The following PPP4R1 variants were observed in gnomAD, a reference collection of about 807,000 sequenced individuals.
PPP4R1 encodes protein phosphatase 4 regulatory subunit 1, also known as serine/threonine-protein phosphatase 4 regulatory subunit 1.
PPP4R1 carries 42 observed loss-of-function variants against 111.2 expected under a neutral mutation model. The ratio of observed to expected loss-of-function variants is 0.38; its 90% confidence interval spans 0.29 to 0.49. PPP4R1 has a LOEUF of 0.49. Among genes scored for constraint, PPP4R1 ranks in the 20% least tolerant of loss-of-function variants. The probability of loss-of-function intolerance (pLI) is 0.97; values close to 1 mark genes in which losing one functional copy is unlikely to be tolerated. For synonymous variants in PPP4R1, 409 were observed against 405.5 expected, an observed-to-expected ratio of 1.01 and a Z score of -0.10; for missense variants, 1,012 against 1,161.6, an observed-to-expected ratio of 0.87 and a Z score of 1.87.
rs2067084239 is a variant in PPP4R1, at chr18:9,584,557, A to G, written c.717T>C (p.Asp239=). 6.2e-7 allele frequency: 1 copy of G among 1,613,350 alleles called. No individual in the cohort carries two copies. The highest frequency in any genetic ancestry group is 1.7e-5 in the Admixed American group (1 of 59,852). ...CTTGCTGGCCAACTACACTGCAAAT[A>G]TCTCCAAAATTGGCAGCACAGACCT... ...VRKVCAANFG[D]ICSVVGQQAT... is the part of the protein sequence containing the mutation. The change falls in exon 8 of 20, where the codon GAT becomes GAC. Residue 239 remains aspartate, a synonymous_variant. Transcript: ENST00000400556.
intron 2 of PPP4R1, among the ~76,000 whole-genome samples, chr18:9,604,974 C>T (rs1248669291): frequency 6.6e-6 from 1 of 152,200 alleles, no homozygotes; most frequent in Non-Finnish European, 1.5e-5. Context: ...TGAGAAGTAT[C>T]ACACCAAAGA....
intron 13 of PPP4R1, among the ~76,000 whole-genome samples, chr18:9,560,936 G>C (rs950784879): frequency 6.6e-6 from 1 of 151,862 alleles, no homozygotes; most frequent in Non-Finnish European, 1.5e-5. Flanking sequence ...ATAATCCTAA[G>C]GCTGGGCACG....
At chr18:9,569,157 T>TC (rs2066818092) in intron 11 of PPP4R1, among the ~76,000 whole-genome samples, 1 of 134,572 alleles carries the variant, frequency 7.4e-6, no homozygotes, top group South Asian at 2.3e-4. Context: ...ACCACTGAAC[T>TC]CCAGCCTGGG....
At chr18:9,599,804 T>C (rs141892663) in intron 2 of PPP4R1, 3 of 152,264 alleles carry the variant, frequency 2.0e-5, no homozygotes, top group East Asian at 1.9e-4. Context: ...TTGTTAATCT[T>C]AAAGATAAAC....
At chr18:9,597,734 C>T (rs1038637768) in intron 2 of PPP4R1, among the ~76,000 whole-genome samples, 2 of 152,028 alleles carry the variant, frequency 1.3e-5, no homozygotes, top group African/African-American at 2.4e-5. Context: ...GAACAAAACT[C>T]GAGTATGTAA....
Position 9,577,119 on chromosome 18 carries a change from A to G in PPP4R1, c.991T>C (p.Tyr331His), listed in dbSNP as rs947488052. The change falls in exon 10 of 20, where the codon TAT becomes CAT. Residue 331 changes from tyrosine to histidine, a missense_variant. By Grantham distance (83) the Tyr-to-His change is moderately conservative. Around this residue, in one of 2 missense-constraint regions of PPP4R1, gnomAD observed 707 missense variants for 742.1 expected, o/e 0.95. Transcript: ENST00000400556. ...TFANPSSSGQ[Y>H]FKEESKSSEE... ...GAACTTTTGCTTTCTTCTTTAAAAT[A>G]CTGGCCTGAGCTAGATGGATTAGCA... 10 of 1,603,338 alleles carry G rather than the reference A, an allele frequency of 6.2e-6. No homozygotes were observed. In the African/African-American group the frequency reaches 1.2e-4, roughly 19 times the overall value.
At chr18:9,614,592 A>T, upstream of PPP4R1, 1 of 724,100 alleles carries the variant, frequency 1.4e-6, no homozygotes, top group East Asian at 1.4e-4. This position sits in a 1 kb window ranked among gnomAD's most constrained non-coding sequence, Gnocchi z 4.1. Flanking sequence ...GGGGAGGAGG[A>T]GGGCCGGGCT....
At position 9,593,816 on chromosome 18, in the gene PPP4R1, C is replaced by A; in HGVS notation, c.247G>T (p.Asp83Tyr). 1 of 1,613,906 alleles carries A rather than the reference C, an allele frequency of 6.2e-7. No individual in the cohort carries two copies. The highest frequency in any genetic ancestry group is 1.7e-5 in the Admixed American group (1 of 59,988). ...TLREVCDDER[D>Y]CIAVLERISR... ...ATTCTTTCCAAAACAGCAATACAAT[C>A]TCTTTCATCATCGCAGACTTCCCTC... Residue 83 changes from aspartate (D) to tyrosine (Y), a missense_variant, in exon 4 of 20, where the codon GAT becomes TAT. Asp to Tyr is a radical substitution (Grantham distance 160). Coordinates refer to ENST00000400556, the MANE Select transcript of PPP4R1 (RefSeq NM_001042388.3).
intron 15 of PPP4R1, among the ~76,000 whole-genome samples, chr18:9,556,166 A>C (rs28445265): frequency 0.081 from 12,184 of 149,940 alleles, 668 homozygotes; most frequent in East Asian, 0.19. Flanking sequence ...AATATGATCT[A>C]CATAAAATAT....
intron 15 of PPP4R1, among the ~76,000 whole-genome samples, chr18:9,555,408 T>G (rs890830135): frequency 6.6e-6 from 1 of 152,172 alleles, no homozygotes; most frequent in Non-Finnish European, 1.5e-5. Flanking sequence ...GAACCATGTA[T>G]AGATGCCTGG....
At chr18:9,614,570 G>GGGAGGGGCGGCGGGGAGGA (rs969660901), upstream of PPP4R1, 11 of 912,664 alleles carry the variant, frequency 1.2e-5, no homozygotes, top group African/African-American at 3.6e-5. This position sits in a 1 kb window ranked among gnomAD's most constrained non-coding sequence, Gnocchi z 4.1. Context: ...GGACGCGCGC[G>GGGAGGGGCGGCGGGGAGGA]GGAGGGGCGG....
chr18:9,598,517 A>T (rs1186354228), intron 2 of PPP4R1, among the ~76,000 whole-genome samples: 2 of 152,230 alleles, frequency 1.3e-5, no homozygotes, highest in African/African-American at 2.4e-5. Flanking sequence ...TCTTTCAAGT[A>T]CATAAAGAAA....
At chr18:9,603,083 G>A (rs1273472072) in intron 2 of PPP4R1, among the ~76,000 whole-genome samples, 1 of 151,370 alleles carries the variant, frequency 6.6e-6, no homozygotes, top group Non-Finnish European at 1.5e-5. Flanking sequence ...ATCTGTGTGT[G>A]GTTTCCAACT....
At chr18:9,602,258 G>A (rs1319785158) in intron 2 of PPP4R1, among the ~76,000 whole-genome samples, 8 of 151,532 alleles carry the variant, frequency 5.3e-5, no homozygotes, top group African/African-American at 1.2e-4. Flanking sequence ...GTGGCCAGGC[G>A]CGGTGGCTCA....
chr18:9,595,217 C>T (rs1598948312), intron 2 of PPP4R1, 64 bp from the exon 3 acceptor site: 1 of 1,518,682 alleles, frequency 6.6e-7, no homozygotes, highest in East Asian at 2.3e-5. Flanking sequence ...CCTTGCCTGT[C>T]TGAAGCAGTA....
At chr18:9,615,946 A>G (rs536687109), upstream of PPP4R1, among the ~76,000 whole-genome samples, 4 of 152,356 alleles carry the variant, frequency 2.6e-5, no homozygotes, top group Middle Eastern at 6.8e-3. Flanking sequence ...TAGACAGATT[A>G]TAATCTGTAT....
chr18:9,597,963 G>A (rs2067316496), intron 2 of PPP4R1, among the ~76,000 whole-genome samples: 1 of 152,104 alleles, frequency 6.6e-6, no homozygotes, highest in Non-Finnish European at 1.5e-5. Flanking sequence ...CAGAAAAAAA[G>A]AGCATGTTAA....
chr18:9,548,680 G>A (rs2144952234), intron 19 of PPP4R1, among the ~76,000 whole-genome samples: 1 of 152,332 alleles, frequency 6.6e-6, no homozygotes, highest in Non-Finnish European at 1.5e-5. Context: ...ACTTTGGGAG[G>A]CTGAGGCAGG....
At chr18:9,586,004 C>T (rs1045130737) in intron 6 of PPP4R1, among the ~76,000 whole-genome samples, 3 of 152,096 alleles carry the variant, frequency 2.0e-5, no homozygotes, top group African/African-American at 7.2e-5. Context: ...GCCTACATCT[C>T]CTAAATCCCA....
Sources: gnomAD v4.1 joint callset for allele counts (sites outside exome capture counted in the v4.1 genomes callset) on GRCh38, gnomAD v4.1.1 for gene constraint, gnomAD v4.1.1 regional missense constraint, Gnocchi (gnomAD v3.1) non-coding constraint, MANE v1.5 for transcripts, NCBI Gene and HGNC (gene_info 2026-07-23, HGNC 2026-07-21) for gene names.